Variants in ZBTB20 observed in about 807,000 individuals in gnomAD.
The protein encoded by ZBTB20 is zinc finger and BTB domain containing 20, also known as zinc finger and BTB domain-containing protein 20.
A neutral mutation model predicts 56.9 loss-of-function variants in ZBTB20; 9 were observed. The ratio of observed to expected loss-of-function variants is 0.16; its 90% CI spans 0.10 to 0.28. ZBTB20 has a LOEUF of 0.28. Ranked by LOEUF, ZBTB20 falls within the 10% of genes least tolerant of loss-of-function variation. ZBTB20 has a pLI of 1.00. For missense variants in ZBTB20, 655 were observed against 1,003.0 expected (o/e 0.65, Z 4.69); for synonymous variants, 417 against 420.7 (o/e 0.99, Z 0.11).
chr3:114,601,242 C>T (rs543346296), intron 6 of ZBTB20, among the ~76,000 whole-genome samples: 6 of 152,222 alleles, frequency 3.9e-5, no homozygotes, highest in Non-Finnish European at 7.4e-5. Context: ...TTGAACACAT[C>T]AGCTCAGAAG....
At chr3:114,479,072 G>C (rs2041221531) in intron 7 of ZBTB20, among the ~76,000 whole-genome samples, 1 of 149,558 alleles carries the variant, frequency 6.7e-6, no homozygotes, top group South Asian at 2.2e-4. Context: ...CTATTGGGGG[G>C]GGGCCACAGT....
intron 2 of ZBTB20, among the ~76,000 whole-genome samples, chr3:115,069,457 T>C (rs573373975): frequency 8.1e-4 from 124 of 152,270 alleles, no homozygotes; most frequent in Middle Eastern, 3.4e-3. Flanking sequence ...GAACTCTCCA[T>C]ATCCCAAGCT....
At chr3:114,816,027 A>G (rs2072891461) in intron 4 of ZBTB20, among the ~76,000 whole-genome samples, 1 of 152,192 alleles carries the variant, frequency 6.6e-6, no homozygotes, top group Non-Finnish European at 1.5e-5. Context: ...CTCTCTCAAG[A>G]GTCTAATCTT....
chr3:115,032,288 G>C (rs79271869), intron 2 of ZBTB20, among the ~76,000 whole-genome samples: 2,904 of 151,444 alleles, frequency 0.019, 36 homozygotes, highest in South Asian at 0.032. Flanking sequence ...TATATATAAT[G>C]AAGTAACCAC....
intron 2 of ZBTB20, among the ~76,000 whole-genome samples, chr3:114,983,994 C>A (rs2108103597): frequency 6.6e-6 from 1 of 151,994 alleles, no homozygotes; most frequent in South Asian, 2.1e-4. Flanking sequence ...TATCCAAAGC[C>A]AGTTTTGCTC....
chr3:114,470,322 C>T (rs1360197083), intron 7 of ZBTB20, among the ~76,000 whole-genome samples: 1 of 152,032 alleles, frequency 6.6e-6, no homozygotes, highest in East Asian at 1.9e-4. Context: ...TATATTTAAC[C>T]TGCCTATCTG....
intron 4 of ZBTB20, among the ~76,000 whole-genome samples, chr3:114,815,075 A>G (rs537098549): frequency 1.3e-5 from 2 of 152,316 alleles, no homozygotes; most frequent in Admixed American, 6.5e-5. Context: ...GTAATGACTA[A>G]CCTCATGAGC....
At chr3:115,113,652 A>G (rs1428273590) in intron 1 of ZBTB20, among the ~76,000 whole-genome samples, 3 of 152,246 alleles carry the variant, frequency 2.0e-5, no homozygotes, top group African/African-American at 7.2e-5. Flanking sequence ...GCACAACAGA[A>G]TTCAAGAAAT....
At chr3:114,690,608 C>G (rs1417120768) in intron 6 of ZBTB20, among the ~76,000 whole-genome samples, 1 of 152,080 alleles carries the variant, frequency 6.6e-6, no homozygotes, top group Non-Finnish European at 1.5e-5. Context: ...TAAACTAGAG[C>G]AATAATACAA....
At chr3:114,481,523 T>A (rs2041541456) in intron 7 of ZBTB20, among the ~76,000 whole-genome samples, 1 of 152,210 alleles carries the variant, frequency 6.6e-6, no homozygotes, top group Non-Finnish European at 1.5e-5. Flanking sequence ...TATTCATTCC[T>A]GAAGATCCAG....
chr3:114,788,916 T>A (rs759431664), intron 5 of ZBTB20, among the ~76,000 whole-genome samples: 1 of 151,992 alleles, frequency 6.6e-6, no homozygotes, highest in Non-Finnish European at 1.5e-5. Flanking sequence ...GAACTACTCT[T>A]TATAAAACCA....
chr3:114,859,279 CCTTCCTTT>C (rs200146122), intron 4 of ZBTB20, among the ~76,000 whole-genome samples: 6 of 143,034 alleles, frequency 4.2e-5, no homozygotes, highest in East Asian at 2.2e-4. Context: ...ATTCTTCCTT[CCTTCCTTT>C]CTTCCTTCCT....
intron 1 of ZBTB20, among the ~76,000 whole-genome samples, chr3:115,085,830 T>A (rs931906798): frequency 6.6e-6 from 1 of 151,854 alleles, no homozygotes; most frequent in East Asian, 1.9e-4. Flanking sequence ...ACACTAGAAA[T>A]TTTTTTATGG....
chr3:114,928,583 G>C (rs893331753), intron 3 of ZBTB20, among the ~76,000 whole-genome samples: 9 of 152,186 alleles, frequency 5.9e-5, no homozygotes, highest in African/African-American at 2.2e-4. Flanking sequence ...TTTCACGCAA[G>C]TGCAAAAAAA....
rs145482038 is a variant in ZBTB20 at position 114,548,549 on chromosome 3, C to T, written c.-294-48158G>A. ...TTTTTTTCTTTTTGAGACAGAGTCT[C>T]ACTGTGTTGCTCAGGCTGGAATGCA... On this transcript the variant is annotated intron_variant, in intron 6 of 11. Coordinates refer to ENST00000675478, the MANE Select transcript of ZBTB20 (RefSeq NM_001348800.3). 6.8e-3 allele frequency among the ~76,000 whole-genome samples: 1,021 copies of T among 149,308 alleles called. 16 individuals are homozygous for T. Among genetic ancestry groups the T allele is most frequent in the African/African-American group, 0.023 (951 of 40,650 alleles).
At chr3:114,791,127 T>C (rs1033163206) in intron 5 of ZBTB20, among the ~76,000 whole-genome samples, 1 of 152,146 alleles carries the variant, frequency 6.6e-6, no homozygotes, top group Non-Finnish European at 1.5e-5. Flanking sequence ...GCATGTGTCA[T>C]TAAGATAGGA....
intron 3 of ZBTB20, among the ~76,000 whole-genome samples, chr3:114,904,618 T>C (rs1475236977): frequency 6.6e-6 from 1 of 151,966 alleles, no homozygotes; most frequent in African/African-American, 2.4e-5. Context: ...AAAATTGAGG[T>C]ACCTGGCTTC....
At chr3:114,756,162 TAAAC>T (rs1476208867) in intron 5 of ZBTB20, among the ~76,000 whole-genome samples, 7 of 152,082 alleles carry the variant, frequency 4.6e-5, no homozygotes, top group African/African-American at 7.2e-5. Flanking sequence ...ATAAGACAAA[TAAAC>T]AAAACAAAAA....
chr3:114,346,123 T>A (rs2080166537), intron 11 of ZBTB20, among the ~76,000 whole-genome samples: 1 of 152,192 alleles, frequency 6.6e-6, no homozygotes, highest in African/African-American at 2.4e-5. Flanking sequence ...GGTGAGCAAT[T>A]TTCTTTTACT....
Sources: gnomAD v4.1 joint callset for allele counts (sites outside exome capture counted in the v4.1 genomes callset) on GRCh38, gnomAD v4.1.1 for gene constraint, MANE v1.5 for transcripts, NCBI Gene and HGNC (gene_info 2026-07-23, HGNC 2026-07-21) for gene names.